GBP3: variants seen among roughly 807,000 people sequenced by gnomAD.
GBP3 encodes the protein guanylate binding protein 3, also known as guanylate-binding protein 3.
GBP3 carries 55 observed loss-of-function variants against 62.4 expected under a neutral mutation model. That is an observed-to-expected ratio of 0.88 (90% CI 0.71 to 1.10). GBP3 has a LOEUF of 1.10. Among genes scored for constraint, GBP3 ranks in the 50% least tolerant of loss-of-function variants. The pLI is 0.00. For synonymous variants in GBP3, 208 were observed against 259.2 expected (o/e 0.80, Z 1.90); for missense variants, 605 against 690.6 (o/e 0.88, Z 1.39).
At chr1:89,015,909 CT>C (rs1170773930) in intron 2 of GBP3, among the ~76,000 whole-genome samples, 2 of 152,148 alleles carry the variant, frequency 1.3e-5, no homozygotes, top group African/African-American at 4.8e-5. Flanking sequence ...ACTTTTGCCA[CT>C]TCTTTTCCAC....
At chr1:89,016,404 A>T (rs1473649877) in intron 2 of GBP3, among the ~76,000 whole-genome samples, 3 of 152,082 alleles carry the variant, frequency 2.0e-5, no homozygotes, top group Non-Finnish European at 4.4e-5. Context: ...CTGTAATCCC[A>T]GCTACTCGGG....
intron 2 of GBP3, among the ~76,000 whole-genome samples, chr1:89,015,744 T>TAAAA (rs58886103): frequency 3.3e-3 from 281 of 85,928 alleles, no homozygotes; most frequent in African/African-American, 7.1e-3. Context: ...ACTCTTGTCT[T>TAAAA]AAAAAAAAAA....
At chr1:89,016,441 C>T (rs1295688449) in intron 2 of GBP3, among the ~76,000 whole-genome samples, 2 of 152,138 alleles carry the variant, frequency 1.3e-5, no homozygotes, top group Non-Finnish European at 1.5e-5. Flanking sequence ...ATTGCCTGAA[C>T]CCAGGAGGTG....
chr1:89,007,987 A>T (rs182571589), intron 10 of GBP3, 135 bp from the exon 11 acceptor site: 17 of 806,282 alleles, frequency 2.1e-5, no homozygotes, highest in Non-Finnish European at 2.7e-5. Flanking sequence ...GATTTTAATT[A>T]TAGTTTTTCT....
chr1:89,011,897 A>G lies in GBP3; in HGVS notation c.999T>C (p.Tyr333=), dbSNP rs766616842. Reference sequence around the variant, plus strand: ...GCACCTTCTGGCCCATCTGCTGGTCATAGTGGGCAATAGCCTTTTGCACTG... The same window carrying G: ...GCACCTTCTGGCCCATCTGCTGGTCGTAGTGGGCAATAGCCTTTTGCACTG... The part of the protein sequence containing the change: ...SAAVQKAIAH[Y]DQQMGQKVQL... The change falls in exon 7 of 11, where the codon TAT becomes TAC. Residue 333 remains tyrosine, a synonymous_variant. Coordinates refer to ENST00000370481, the MANE Select transcript of GBP3 (RefSeq NM_018284.3). 3 of 1,462,314 alleles carry G rather than the reference A, an allele frequency of 2.1e-6. 1 individual carries two copies. In the East Asian group the frequency reaches 6.9e-5, roughly 34 times the overall value. The allele number at this position is 1,462,314 out of a possible 1,614,324, so 90.6% of individuals were successfully genotyped here.
intron 1 of GBP3, among the ~76,000 whole-genome samples, chr1:89,021,510 G>GCACACACACA (rs1553178198): frequency 0.018 from 2,316 of 131,624 alleles, 48 homozygotes; most frequent in Middle Eastern, 0.064. Flanking sequence ...GCGCGCGCGC[G>GCACACACACA]CACACACACA....
rs1454865651 is a variant in GBP3, at chr1:89,012,092, C to T, written c.869-65G>A. 15 of 1,331,104 alleles carry T rather than the reference C, an allele frequency of 1.1e-5. 3 individuals are homozygous for T. Among genetic ancestry groups the T allele is most frequent in the Non-Finnish European group, 1.6e-5 (15 of 954,566 alleles). 82.5% of individuals were successfully genotyped at this position (1,331,104 alleles called of 1,614,324 possible). On this transcript the variant is annotated intron_variant, in intron 6 of 10. Transcript: ENST00000370481. The stretch of plus-strand genomic sequence containing the variant: ...AGAAAACTCTCTATTCTGTGTAATT[C>T]TGAACATGTCAATTTCCACCTATTT...
At chr1:89,021,983 G>A (rs897192767) in intron 1 of GBP3, among the ~76,000 whole-genome samples, 1 of 150,938 alleles carries the variant, frequency 6.6e-6, no homozygotes, top group Non-Finnish European at 1.5e-5. Context: ...CTTTAGTAGT[G>A]ATGCATTACA....
chr1:89,013,671 G>A (rs921161587), intron 5 of GBP3: 20 of 503,250 alleles, frequency 4.0e-5, no homozygotes, highest in African/African-American at 1.7e-4. Context: ...GCTGCAGTTC[G>A]CCAGCATTTG....
intron 6 of GBP3, 147 bp from the exon 7 acceptor site, chr1:89,012,174 G>T (rs1678609544): frequency 1.2e-6 from 1 of 856,744 alleles, no homozygotes; most frequent in East Asian, 2.8e-5. Flanking sequence ...AATGCCTATT[G>T]TTAGCCTCTG....
At position 89,020,682 on chromosome 1, in the gene GBP3, T is replaced by A; in HGVS notation, c.40A>T (p.Ile14Phe). The change falls in exon 2 of 11, where the codon ATT becomes TTT. Residue 14 changes from isoleucine to phenylalanine, a missense_variant. Physicochemically the swap from Ile to Phe is conservative, Grantham distance 21. Transcript: ENST00000370481. The stretch of plus-strand genomic sequence containing the variant: ...ACCAGTTCCCCATTAGTGTTCTCAA[T>A]GAGGCACATTGGGCCTGTCATGTGG... ...EIHMTGPMCL[I>F]ENTNGELVAN... is the part of the protein sequence containing the mutation. 6 of 1,614,150 alleles carry A rather than the reference T, an allele frequency of 3.7e-6. No individual in the cohort carries two copies. Among genetic ancestry groups the A allele is most frequent in the Non-Finnish European group, 5.1e-6 (6 of 1,180,004 alleles).
chr1:89,010,010 T>G (rs1188374094), intron 8 of GBP3, among the ~76,000 whole-genome samples: 1 of 152,194 alleles, frequency 6.6e-6, no homozygotes, highest in Non-Finnish European at 1.5e-5. Flanking sequence ...TTTCTGTCTC[T>G]TGGAACAGAA....
chr1:89,012,747 A>C (rs1045581064), intron 6 of GBP3, among the ~76,000 whole-genome samples: 24 of 138,432 alleles, frequency 1.7e-4, no homozygotes, highest in African/African-American at 5.9e-4. Flanking sequence ...AAGGTTGACC[A>C]ACAAAATCTA....
chr1:89,011,669 A>T, intron 7 of GBP3, 78 bp downstream of exon 7: 1 of 1,382,964 alleles, frequency 7.2e-7, no homozygotes, highest in Non-Finnish European at 1.0e-6. Flanking sequence ...TTTGTCTCAA[A>T]ATAAATACCA....
Position 89,009,025 on chromosome 1 carries a change from T to C in GBP3, c.1581A>G (p.Lys527=). The C allele has an allele frequency of 3.1e-6, 5 of 1,614,214 alleles. No individual in the cohort carries two copies. The highest frequency in any genetic ancestry group is 4.2e-6 in the Non-Finnish European group (5 of 1,180,032). ...EKEKSYQEHV[K]QLTEKMERER... is the part of the protein sequence containing the mutation. The stretch of plus-strand genomic sequence containing the variant: ...CCCTCTCCATCTTCTCAGTCAATTG[T>C]TTCACATGTTCTTGATAACTCTTCT... The change falls in exon 10 of 11, where the codon AAA becomes AAG. Residue 527 remains lysine (K), a synonymous_variant. Coordinates refer to ENST00000370481, the MANE Select transcript of GBP3 (RefSeq NM_018284.3).
intron 1 of GBP3, among the ~76,000 whole-genome samples, chr1:89,021,544 A>ACACACCCCCC (rs761151308): frequency 1.4e-4 from 20 of 141,038 alleles, no homozygotes; most frequent in South Asian, 4.8e-4. Context: ...ACACACACAC[A>ACACACCCCCC]CCCCAAAAAA....
intron 3 of GBP3, 117 bp downstream of exon 3, chr1:89,015,170 A>G: frequency 9.2e-7 from 1 of 1,085,334 alleles, no homozygotes; most frequent in African/African-American, 1.6e-5. Context: ...ACATGTACAC[A>G]GAAATGAAAA....
chr1:89,010,794 A>C (rs1255078644), intron 8 of GBP3, 110 bp downstream of exon 8: 1 of 1,311,180 alleles, frequency 7.6e-7, no homozygotes, highest in African/African-American at 1.4e-5. Context: ...GAAAGCATGA[A>C]TGTTATACAG....
At chr1:89,012,767 T>G (rs1281202919) in intron 6 of GBP3, among the ~76,000 whole-genome samples, 1 of 138,168 alleles carries the variant, frequency 7.2e-6, no homozygotes, top group African/African-American at 2.5e-5. Flanking sequence ...ATTAGAAATG[T>G]TGGTGTCATC....
Sources: gnomAD v4.1 joint callset for allele counts (sites outside exome capture counted in the v4.1 genomes callset) on GRCh38, gnomAD v4.1.1 for gene constraint, MANE v1.5 for transcripts, NCBI Gene and HGNC (gene_info 2026-07-23, HGNC 2026-07-21) for gene names.